ESRRB: variants seen among roughly 807,000 people sequenced by gnomAD.
The protein encoded by ESRRB is estrogen related receptor beta.
A neutral mutation model predicts 46.0 loss-of-function variants in ESRRB; 16 were observed. The ratio of observed to expected loss-of-function variants is 0.35; its 90% CI spans 0.24 to 0.53. The LOEUF (loss-of-function observed/expected upper bound fraction) is 0.53. Among genes scored for constraint, ESRRB ranks in the 20% least tolerant of loss-of-function variants. The pLI is 0.93. For missense variants in ESRRB, 488 were observed against 607.4 expected (o/e 0.80, Z 2.07); for synonymous variants, 246 against 259.6 (o/e 0.95, Z 0.50).
At chr14:76,494,392 C>T (rs1032041065) in intron 6 of ESRRB, among the ~76,000 whole-genome samples, 10 of 151,458 alleles carry the variant, frequency 6.6e-5, no homozygotes, top group Admixed American at 1.3e-4. Context: ...CTGCAACCTC[C>T]GCCTCCTGGG....
In ESRRB at chr14:76,500,096, C is replaced by T. The variant is rs1394611804; in HGVS notation, c.*1638C>T. 2.6e-6 allele frequency: 4 copies of T among 1,528,784 alleles called. No homozygotes were observed. Among genetic ancestry groups the T allele is most frequent in the Non-Finnish European group, 3.5e-6 (4 of 1,129,152 alleles). 94.7% of individuals were successfully genotyped at this position (1,528,784 alleles called of 1,614,324 possible). A position where few individuals can be genotyped will look rare whatever the true frequency, so the allele number is the denominator to read the frequency against. Reference sequence around the variant, plus strand: ...CTTTCTGCAGCTTTTCCATAGAAGCCCTGGTCCCACCTCCTTGGCTCTACC... The same window carrying T: ...CTTTCTGCAGCTTTTCCATAGAAGCTCTGGTCCCACCTCCTTGGCTCTACC... On this transcript the variant is annotated 3_prime_UTR_variant, in exon 7 of 7. Coordinates refer to ENST00000644823, the MANE Select transcript of ESRRB (RefSeq NM_001379180.1).
chr14:76,389,698 C>A (rs1005625091), intron 1 of ESRRB, among the ~76,000 whole-genome samples: 1 of 152,134 alleles, frequency 6.6e-6, no homozygotes, highest in Non-Finnish European at 1.5e-5. Context: ...CCAGCTCAAA[C>A]CAGCTCAGGA....
At chr14:76,411,077 C>A (rs1230703036) in intron 1 of ESRRB, among the ~76,000 whole-genome samples, 1 of 152,066 alleles carries the variant, frequency 6.6e-6, no homozygotes, top group African/African-American at 2.4e-5. Context: ...AGCCACCGCG[C>A]CTGGCCCATT....
rs369175699 is a variant in ESRRB, at chr14:76,498,727, C to T, written c.*269C>T. The T allele has an allele frequency of 2.6e-6, 3 of 1,157,966 alleles. No homozygotes were observed. The East Asian group carries it at 9.3e-5, about 36-fold the overall frequency. The allele number at this position is 1,157,966 out of a possible 1,614,324, so 71.7% of individuals were successfully genotyped here. The stretch of plus-strand genomic sequence containing the variant: ...TCCTTCTCCATGGACGGTGCGGAGG[C>T]CTGGGCCAGGGCTGACTCCCTTCAG... On this transcript the variant is annotated 3_prime_UTR_variant, in exon 7 of 7. Coordinates refer to ENST00000644823, the MANE Select transcript of ESRRB (RefSeq NM_001379180.1).
intron 5 of ESRRB, among the ~76,000 whole-genome samples, chr14:76,490,524 C>T (rs114473147): frequency 5.0e-4 from 76 of 152,340 alleles, no homozygotes; most frequent in African/African-American, 1.7e-3. Context: ...TACTATTATA[C>T]TATTTCCTAG....
intron 5 of ESRRB, among the ~76,000 whole-genome samples, chr14:76,484,277 G>C (rs1263295123): frequency 6.6e-6 from 1 of 152,250 alleles, no homozygotes; most frequent in African/African-American, 2.4e-5. Context: ...ATGGCCCAGA[G>C]GCTCTGCTGG....
At chr14:76,465,083 C>T (rs543615680) in intron 3 of ESRRB, among the ~76,000 whole-genome samples, 5 of 152,230 alleles carry the variant, frequency 3.3e-5, no homozygotes, top group Admixed American at 6.5e-5. Flanking sequence ...TGACAGTATC[C>T]GCGGCACTTA....
intron 3 of ESRRB, among the ~76,000 whole-genome samples, chr14:76,469,944 C>CTTTTTTTTTTT (rs1178018542): frequency 4.7e-4 from 34 of 73,070 alleles, no homozygotes; most frequent in Non-Finnish European, 5.8e-4. Context: ...TTTTTTTTTT[C>CTTTTTTTTTTT]TTTTTTTTTT....
intron 2 of ESRRB, among the ~76,000 whole-genome samples, chr14:76,445,353 C>T (rs1888090178): frequency 6.6e-6 from 1 of 151,024 alleles, no homozygotes; most frequent in African/African-American, 2.4e-5. Flanking sequence ...TGCCTGTAAT[C>T]CCAGCTACTC....
rs760573645 is a variant in ESRRB, at chr14:76,439,410, G to A, written c.120G>A (p.Glu40=). The change falls in exon 2 of 7, where the codon GAG becomes GAA. Residue 40 remains glutamate (E), a synonymous_variant. Coordinates refer to ENST00000644823, the MANE Select transcript of ESRRB (RefSeq NM_001379180.1). ...GSSCGSFIKT[E]PSSPSSGIDA... is the part of the protein sequence containing the mutation. Reference sequence around the variant, plus strand: ...GCTGCGGCTCCTTCATCAAGACTGAGCCGTCCAGCCCGTCCTCGGGCATCG... The same window carrying A: ...GCTGCGGCTCCTTCATCAAGACTGAACCGTCCAGCCCGTCCTCGGGCATCG... 1.9e-6 allele frequency: 3 copies of A among 1,613,624 alleles called. No homozygotes were observed. The highest frequency in any genetic ancestry group is 1.7e-5 in the Admixed American group (1 of 60,026).
At chr14:76,498,153 G>A in intron 6 of ESRRB, 61 bp from the exon 7 acceptor site, 6 of 1,607,624 alleles carry the variant, frequency 3.7e-6, no homozygotes, top group Non-Finnish European at 8.5e-7. Context: ...CCCCAAGATG[G>A]CCCCCACACC....
chr14:76,356,609 A>T (rs1164157007), intron 1 of ESRRB, among the ~76,000 whole-genome samples: 1 of 151,872 alleles, frequency 6.6e-6, no homozygotes, highest in East Asian at 1.9e-4. Context: ...GACCCCACTG[A>T]CCTCACATGG....
chr14:76,343,193 T>A (rs1430494317), intron 1 of ESRRB, among the ~76,000 whole-genome samples: 1 of 152,112 alleles, frequency 6.6e-6, no homozygotes, highest in Non-Finnish European at 1.5e-5. Context: ...CTGAGCCAAG[T>A]GAGAGGGAGG....
At position 76,357,198 on chromosome 14, in the gene ESRRB, A is replaced by G. The variant is rs77180333; in HGVS notation, c.2+46282A>G. On this transcript the variant is annotated intron_variant, in intron 1 of 6. Transcript: ENST00000512784. The stretch of plus-strand genomic sequence containing the variant: ...CACGGGGCATGAGAGAGAAGAATCT[A>G]TATCCAGAAATTTTAAGGTGCAAGG... Among the ~76,000 whole-genome samples, 11 of 152,394 alleles carry G rather than the reference A, an allele frequency of 7.2e-5. No homozygotes were observed. In the East Asian group the frequency reaches 1.5e-3, roughly 21 times the overall value.
intron 2 of ESRRB, among the ~76,000 whole-genome samples, chr14:76,451,160 T>A (rs1460061987): frequency 6.6e-6 from 1 of 152,162 alleles, no homozygotes; most frequent in Non-Finnish European, 1.5e-5. Flanking sequence ...TGGTGGATGA[T>A]GGGCTGGGAA....
intron 1 of ESRRB, among the ~76,000 whole-genome samples, chr14:76,379,860 CAAAAAA>C (rs34925535): frequency 5.5e-5 from 7 of 127,078 alleles, no homozygotes; most frequent in Non-Finnish European, 8.1e-5. Flanking sequence ...AGATCTGTTC[CAAAAAA>C]AAAAAAAAAA....
chr14:76,349,288 AG>A (rs2139759325), intron 1 of ESRRB, among the ~76,000 whole-genome samples: 1 of 152,334 alleles, frequency 6.6e-6, no homozygotes, highest in East Asian at 1.9e-4. Flanking sequence ...TGGGCTCCAA[AG>A]GGTGCAAAGC....
chr14:76,446,572 C>T (rs1370161923), intron 2 of ESRRB, among the ~76,000 whole-genome samples: 1 of 152,082 alleles, frequency 6.6e-6, no homozygotes, highest in East Asian at 1.9e-4. Context: ...ATTGGCTAGC[C>T]CTGGAGGCAT....
At chr14:76,332,654 AAT>A (rs1431913559) in intron 1 of ESRRB, among the ~76,000 whole-genome samples, 3 of 20,422 alleles carry the variant, frequency 1.5e-4, no homozygotes, top group Non-Finnish European at 2.8e-4. Flanking sequence ...ATATTATATA[AAT>A]ATATATTATA....
Sources: gnomAD v4.1 joint callset for allele counts (sites outside exome capture counted in the v4.1 genomes callset) on GRCh38, gnomAD v4.1.1 for gene constraint, MANE v1.5 for transcripts, NCBI Gene and HGNC (gene_info 2026-07-23, HGNC 2026-07-21) for gene names.